Variants in ACER3 observed in about 807,000 individuals in gnomAD.
ACER3 encodes the protein alkaline ceramidase 3.
A neutral mutation model predicts 48.9 loss-of-function variants in ACER3; 16 were observed. The ratio of observed to expected loss-of-function variants is 0.33; its 90% CI spans 0.22 to 0.50. ACER3 has a LOEUF of 0.50. ACER3 is among the 20% of genes least tolerant of loss of function. The pLI is 0.98. For missense variants in ACER3, 227 were observed against 326.0 expected, an observed-to-expected ratio of 0.70 and a Z score of 2.34; for synonymous variants, 109 against 107.8, an observed-to-expected ratio of 1.01 and a Z score of -0.07.
intron 1 of ACER3, among the ~76,000 whole-genome samples, chr11:76,905,676 A>G (rs1483408935): frequency 6.6e-6 from 1 of 152,234 alleles, no homozygotes; most frequent in Non-Finnish European, 1.5e-5. Flanking sequence ...ACAATCTAGA[A>G]TGTTCATTAA....
At chr11:76,896,926 T>G (rs967326900) in intron 1 of ACER3, among the ~76,000 whole-genome samples, 9 of 151,768 alleles carry the variant, frequency 5.9e-5, no homozygotes, top group African/African-American at 1.2e-4. Flanking sequence ...AAGGGAGTTT[T>G]TTGTTGTTGT....
intron 7 of ACER3, among the ~76,000 whole-genome samples, chr11:77,012,911 AT>A (rs1391555306): frequency 6.6e-6 from 1 of 152,228 alleles, no homozygotes; most frequent in Non-Finnish European, 1.5e-5. Context: ...ACAATGTTGT[AT>A]TGGTGGTAAT....
At chr11:76,925,230 A>C (rs1357369342) in intron 1 of ACER3, among the ~76,000 whole-genome samples, 1 of 152,126 alleles carries the variant, frequency 6.6e-6, no homozygotes, top group African/African-American at 2.4e-5. Flanking sequence ...CAATAGATTT[A>C]TTTCTTGACT....
chr11:76,916,288 T>C (rs905852997), intron 1 of ACER3, among the ~76,000 whole-genome samples: 2 of 152,202 alleles, frequency 1.3e-5, no homozygotes, highest in Non-Finnish European at 2.9e-5. Context: ...ACCTGTACTC[T>C]TGAAAATTTG....
intron 6 of ACER3, among the ~76,000 whole-genome samples, chr11:76,991,159 A>G (rs567682444): frequency 6.6e-6 from 1 of 152,320 alleles, no homozygotes; most frequent in South Asian, 2.1e-4. Context: ...GGGAATTATT[A>G]TATACATTTC....
chr11:76,884,487 A>T (rs1352981966), intron 1 of ACER3, among the ~76,000 whole-genome samples: 1 of 152,124 alleles, frequency 6.6e-6, no homozygotes, highest in East Asian at 1.9e-4. Context: ...TCTTATGTTC[A>T]TTAGTTTTAA....
chr11:76,874,796 CT>C, intron 1 of ACER3, among the ~76,000 whole-genome samples: 1 of 152,118 alleles, frequency 6.6e-6, no homozygotes, highest in East Asian at 1.9e-4. Flanking sequence ...CTTTGGTGGA[CT>C]TTCCATTTCT....
rs560081980 is a variant in ACER3 at position 77,025,819 on chromosome 11, C to G, written c.*5492C>G. 1 of 152,334 alleles carries G rather than the reference C, an allele frequency of 6.6e-6. No homozygotes were observed. The highest frequency in any genetic ancestry group is 6.5e-5 in the Admixed American group (1 of 15,294). The allele number at this position is 152,334 out of a possible 1,614,324, so 9.4% of individuals were successfully genotyped here. ...GGCTTGGGAGTTTGTCTCCCCTGCT[C>G]TAGACTGTCAGCAAGTGGTACAGTG... On this transcript the variant is annotated 3_prime_UTR_variant, in exon 11 of 11. Transcript: ENST00000532485.
chr11:76,871,516 T>C (rs1945239328), intron 1 of ACER3, among the ~76,000 whole-genome samples: 1 of 152,236 alleles, frequency 6.6e-6, no homozygotes, highest in Non-Finnish European at 1.5e-5. Context: ...ATTTTCTGAT[T>C]GGCAATTGGT....
intron 1 of ACER3, among the ~76,000 whole-genome samples, chr11:76,905,229 A>T (rs960537947): frequency 4.6e-5 from 7 of 152,156 alleles, no homozygotes; most frequent in Non-Finnish European, 8.8e-5. Context: ...TATGATTTAG[A>T]AGATTTTTTT....
rs551385019 is a variant in ACER3 at position 77,021,421 on chromosome 11, A to G, written c.*1094A>G. 1.1e-4 allele frequency: 16 copies of G among 152,226 alleles called. No homozygotes were observed. Among genetic ancestry groups the G allele is most frequent in the Non-Finnish European group, 1.8e-4 (12 of 68,036 alleles). 9.4% of individuals were successfully genotyped at this position (152,226 alleles called of 1,614,324 possible). On this transcript the variant is annotated 3_prime_UTR_variant, in exon 11 of 11. Transcript: ENST00000532485. ...AACCGACAAAAATTAGGGTGCTAAAAAAATGACAGTGAAATCTCATCGTAA... is the reference window on the plus strand; with the variant it reads ...AACCGACAAAAATTAGGGTGCTAAAGAAATGACAGTGAAATCTCATCGTAA...
intron 1 of ACER3, among the ~76,000 whole-genome samples, chr11:76,924,842 G>C (rs2134801746): frequency 1.3e-5 from 2 of 151,962 alleles, no homozygotes; most frequent in South Asian, 4.2e-4. Context: ...TGGGCATGAT[G>C]GCATGCACCT....
intron 1 of ACER3, 49 bp from the exon 2 acceptor site, chr11:76,926,508 A>G (rs777551640): frequency 2.7e-6 from 3 of 1,098,302 alleles, no homozygotes; most frequent in East Asian, 2.5e-5. Context: ...ATCTTTATTT[A>G]AAGTGTTATT....
Position 77,022,868 on chromosome 11 carries a change from C to CAAAAAAAAA in ACER3, c.*2557_*2565dup, listed in dbSNP as rs10565723. ...ATGGTGGCAGAGCGAGACTCCGTCT[C>CAAAAAAAAA]AAAAAAAAAAAAAAAAAAAAAAAAG... On this transcript the variant is annotated 3_prime_UTR_variant, in exon 11 of 11. Transcript: ENST00000532485. 1.4e-5 allele frequency: 4 copies of CAAAAAAAAA among 281,668 alleles called. No homozygotes were observed. The highest frequency in any genetic ancestry group is 1.9e-5 in the Non-Finnish European group (3 of 158,838). The allele number at this position is 281,668 out of a possible 1,614,324, so 17.4% of individuals were successfully genotyped here.
At chr11:76,925,770 G>A (rs1946813671) in intron 1 of ACER3, among the ~76,000 whole-genome samples, 1 of 152,034 alleles carries the variant, frequency 6.6e-6, no homozygotes, top group African/African-American at 2.4e-5. Context: ...TTGACTGTTT[G>A]AAAATGTTTT....
chr11:76,903,957 C>A (rs1946149296), intron 1 of ACER3, among the ~76,000 whole-genome samples: 1 of 152,070 alleles, frequency 6.6e-6, no homozygotes, highest in African/African-American at 2.4e-5. Flanking sequence ...AAAAACATAA[C>A]AAGAACTTGT....
chr11:76,868,035 C>A, intron 1 of ACER3: 1 of 1,117,848 alleles, frequency 8.9e-7, no homozygotes, highest in East Asian at 5.9e-5. Context: ...CTTTAATCAG[C>A]TATCTCTGCC....
Position 76,861,050 on chromosome 11 carries a change from A to G in ACER3, c.74A>G (p.Tyr25Cys). 2 of 1,547,388 alleles carry G rather than the reference A, an allele frequency of 1.3e-6. No individual in the cohort carries two copies. The highest frequency in any genetic ancestry group is 1.7e-6 in the Non-Finnish European group (2 of 1,145,956). ...TSTLDWCEEN[Y>C]SVTWYIAEFW... ...ACGCTGGACTGGTGCGAGGAGAACT[A>G]CTCCGTGACCTGGTACATCGCCGAG... is the stretch of plus-strand genomic sequence containing the variant. Residue 25 changes from tyrosine to cysteine, a missense_variant, in exon 1 of 11, where the codon TAC becomes TGC. This residue lies in a region of ACER3 where 195 missense variants were observed against 290.8 expected (regional missense o/e 0.67). Coordinates refer to ENST00000532485, the MANE Select transcript of ACER3 (RefSeq NM_018367.7).
intron 1 of ACER3, among the ~76,000 whole-genome samples, chr11:76,871,842 C>G (rs762923078): frequency 2.0e-5 from 3 of 152,072 alleles, no homozygotes; most frequent in Non-Finnish European, 4.4e-5. Flanking sequence ...GGGTAAAGTA[C>G]TTTGATTTGT....
Sources: allele counts gnomAD v4.1 joint callset (sites outside exome capture counted in the v4.1 genomes callset), GRCh38; gene constraint gnomAD v4.1.1; regional missense constraint gnomAD v4.1.1; transcripts MANE v1.5; gene names NCBI Gene and HGNC (gene_info 2026-07-23, HGNC 2026-07-21).